The following SETD5 variants were observed in gnomAD, a reference collection of about 807,000 sequenced individuals.
SETD5 encodes histone-lysine N-methyltransferase SETD5.
Under a neutral mutation model 153.3 loss-of-function variants are expected in SETD5, and 44 were observed. The ratio of observed to expected loss-of-function variants is 0.29; its 90% CI spans 0.23 to 0.37. The LOEUF (loss-of-function observed/expected upper bound fraction) is 0.37. Ranked by LOEUF, SETD5 falls within the 10% of genes least tolerant of loss-of-function variation. SETD5 has a pLI of 1.00. For synonymous variants in SETD5, 716 were observed against 645.2 expected (o/e 1.11, Z -1.66); for missense variants, 1,544 against 1,768.0 (o/e 0.87, Z 2.27).
At chr3:9,409,552 C>A (rs896394696) in intron 1 of SETD5, among the ~76,000 whole-genome samples, 2 of 152,094 alleles carry the variant, frequency 1.3e-5, no homozygotes, top group Non-Finnish European at 2.9e-5. Flanking sequence ...TTCCTTGCTT[C>A]CTACTATTAC....
At chr3:9,467,998 C>T (rs2044814492) in intron 18 of SETD5, among the ~76,000 whole-genome samples, 1 of 151,386 alleles carries the variant, frequency 6.6e-6, no homozygotes. Flanking sequence ...AGGAACTGGC[C>T]ATCTCCCTAA....
intron 3 of SETD5, chr3:9,431,427 TC>T: frequency 1.0e-6 from 1 of 965,812 alleles, no homozygotes; most frequent in Non-Finnish European, 1.2e-6. Flanking sequence ...GAGATGTAAT[TC>T]CATTATTCCA....
At chr3:9,409,292 T>G (rs2036196994) in intron 1 of SETD5, among the ~76,000 whole-genome samples, 1 of 152,212 alleles carries the variant, frequency 6.6e-6, no homozygotes, top group Non-Finnish European at 1.5e-5. Flanking sequence ...TAAGATAGTT[T>G]ATATACAGAA....
intron 11 of SETD5, 50 bp downstream of exon 11, chr3:9,443,467 T>A: frequency 2.9e-6 from 3 of 1,022,118 alleles, no homozygotes; most frequent in Non-Finnish European, 4.0e-6. Context: ...TCTTACATAT[T>A]AAGCTATTCA....
chr3:9,475,475 T>C lies in SETD5; in HGVS notation c.3721-8T>C, dbSNP rs1293778895. 1.9e-6 allele frequency: 3 copies of C among 1,599,410 alleles called. No homozygotes were observed. Among genetic ancestry groups the C allele is most frequent in the Non-Finnish European group, 1.7e-6 (2 of 1,169,418 alleles). ...CGTCCTTATTCGTTTCCTCCCAACT[T>C]TGTCTAGCTCCTGCAGTGTGATAGT... On this transcript the variant is annotated splice_region_variant and splice_polypyrimidine_tract_variant and intron_variant, in intron 22 of 22. Coordinates refer to ENST00000402198, the MANE Select transcript of SETD5 (RefSeq NM_001080517.3).
In SETD5 at chr3:9,473,300, G is replaced by A. The variant is rs202119930; in HGVS notation, c.3260G>A (p.Gly1087Asp). ...EAKENSAGGGGDSAQSKSKSA... is the reference protein window; with the variant it reads ...EAKENSAGGGDDSAQSKSKSA... ...AAGGAAAATTCTGCTGGTGGGGGAGGTGACTCTGCACAGAGCAAAAGCAAG... is the reference window on the plus strand; with the variant it reads ...AAGGAAAATTCTGCTGGTGGGGGAGATGACTCTGCACAGAGCAAAAGCAAG... The change falls in exon 20 of 23, where the codon GGT becomes GAT. Residue 1087 changes from glycine (G) to aspartate (D), a missense_variant. By Grantham distance (94) the Gly-to-Asp change is moderately conservative. Around this residue, in one of 9 missense-constraint regions of SETD5, gnomAD observed 93 missense variants for 93.4 expected, o/e 1.00. Transcript: ENST00000402198. 300 of 1,613,814 alleles carry A rather than the reference G, an allele frequency of 1.9e-4. 1 individual carries two copies. The highest frequency in any genetic ancestry group is 2.1e-4 in the Non-Finnish European group (246 of 1,179,878).
rs774946617 is a variant in SETD5, at chr3:9,470,585, G to A, written c.2851G>A (p.Gly951Arg). Reference sequence around the variant, plus strand: ...TGACCTGGCTCCTCATCCCTCCCTCGGACCCACTTCTGAGACTGGTTTCCC... The same window carrying A: ...TGACCTGGCTCCTCATCCCTCCCTCAGACCCACTTCTGAGACTGGTTTCCC... ...HSDLAPHPSL[G>R]PTSETGFPSR... Residue 951 changes from glycine (G) to arginine (R), a missense_variant, in exon 19 of 23, where the codon GGA (glycine) becomes AGA (arginine). Coordinates refer to ENST00000402198, the MANE Select transcript of SETD5 (RefSeq NM_001080517.3). 14 of 1,613,702 alleles carry A rather than the reference G, an allele frequency of 8.7e-6. No individual in the cohort carries two copies. Among genetic ancestry groups the A allele is most frequent in the African/African-American group, 8.0e-5 (6 of 74,860 alleles).
At chr3:9,448,321 C>T (rs371633771) in intron 15 of SETD5, 67 bp from the exon 16 acceptor site, 40 of 1,556,532 alleles carry the variant, frequency 2.6e-5, no homozygotes, top group Non-Finnish European at 3.0e-5. Flanking sequence ...TTCTAGATGA[C>T]GTTTGTCTTT....
intron 18 of SETD5, 33 bp downstream of exon 18, chr3:9,464,705 T>C (rs372536119): frequency 1.2e-6 from 2 of 1,613,918 alleles, no homozygotes; most frequent in Non-Finnish European, 1.7e-6. Context: ...GAGTGCTGGA[T>C]ATGAAAATCA....
At chr3:9,429,175 A>G (rs997011332) in intron 3 of SETD5, 166 bp downstream of exon 3, 3 of 397,274 alleles carry the variant, frequency 7.6e-6, no homozygotes, top group Non-Finnish European at 9.0e-6. Context: ...GGTGGAAAAA[A>G]GGAATTAGAA....
intron 1 of SETD5, among the ~76,000 whole-genome samples, chr3:9,403,995 T>C (rs2035253213): frequency 6.6e-6 from 1 of 152,212 alleles, no homozygotes; most frequent in Non-Finnish European, 1.5e-5. Flanking sequence ...GATTTCTCTT[T>C]TATGAAGGAA....
chr3:9,431,812 T>C, intron 3 of SETD5: 1 of 821,172 alleles, frequency 1.2e-6, no homozygotes, highest in Non-Finnish European at 1.5e-6. Context: ...CATGCAACTT[T>C]CCTTTTTCCT....
At position 9,434,729 on chromosome 3, in the gene SETD5, A is replaced by AG; in HGVS notation, c.330-90dup. 7 of 1,475,066 alleles carry AG rather than the reference A, an allele frequency of 4.7e-6. No individual in the cohort carries two copies. Among genetic ancestry groups the AG allele is most frequent in the Non-Finnish European group, 6.3e-6 (7 of 1,105,310 alleles). The allele number at this position is 1,475,066 out of a possible 1,614,324, so 91.4% of individuals were successfully genotyped here. ...TGGAAACATTTGGTAGGTGGGAGGGAGGGGGTAGCATATGCAGAGACACTT... is the reference window on the plus strand; with the variant it reads ...TGGAAACATTTGGTAGGTGGGAGGGAGGGGGGTAGCATATGCAGAGACACTT... On this transcript the variant is annotated intron_variant, in intron 5 of 22. Coordinates refer to ENST00000402198, the MANE Select transcript of SETD5 (RefSeq NM_001080517.3). The surrounding 1 kb of genome is among the most constrained non-coding windows in gnomAD (Gnocchi z 5.6).
At chr3:9,474,701 C>T (rs2125620553) in intron 21 of SETD5, 119 bp downstream of exon 21, 2 of 1,385,884 alleles carry the variant, frequency 1.4e-6, no homozygotes, top group Admixed American at 2.2e-5. Flanking sequence ...GGCTCCACCG[C>T]ATGCTAGGTT....
chr3:9,469,862 T>G (rs908290858), intron 18 of SETD5, among the ~76,000 whole-genome samples: 1 of 152,196 alleles, frequency 6.6e-6, no homozygotes, highest in Admixed American at 6.5e-5. Context: ...GAAAGTTGTA[T>G]GAGAAACACA....
At chr3:9,414,871 A>G (rs1232717545) in intron 1 of SETD5, among the ~76,000 whole-genome samples, 1 of 152,100 alleles carries the variant, frequency 6.6e-6, no homozygotes, top group African/African-American at 2.4e-5. Flanking sequence ...AAGGAAATAC[A>G]GTATTCAAAA....
At chr3:9,440,962 A>C (rs1386890307) in intron 8 of SETD5, among the ~76,000 whole-genome samples, 3 of 152,158 alleles carry the variant, frequency 2.0e-5, no homozygotes, top group Non-Finnish European at 1.5e-5. Context: ...ATAATACAAC[A>C]CTTTGGCAAG....
chr3:9,408,589 A>G (rs567904542), intron 1 of SETD5, among the ~76,000 whole-genome samples: 5 of 151,518 alleles, frequency 3.3e-5, no homozygotes, highest in Non-Finnish European at 5.9e-5. Context: ...TTGGATAATC[A>G]TTTAACACAT....
intron 19 of SETD5, 72 bp from the exon 20 acceptor site, chr3:9,473,164 C>G (rs1187522519): frequency 1.0e-5 from 15 of 1,500,040 alleles, no homozygotes; most frequent in Non-Finnish European, 1.3e-5. Flanking sequence ...CCTTCTTTCC[C>G]TGTTGCTGGT....
Sources: gnomAD v4.1 joint callset for allele counts (sites outside exome capture counted in the v4.1 genomes callset) on GRCh38, gnomAD v4.1.1 for gene constraint, gnomAD v4.1.1 regional missense constraint, Gnocchi (gnomAD v3.1) non-coding constraint, MANE v1.5 for transcripts, NCBI Gene and HGNC (gene_info 2026-07-23, HGNC 2026-07-21) for gene names.